OAS3: variants seen among roughly 807,000 people sequenced by gnomAD.
OAS3 encodes 2'-5'-oligoadenylate synthetase 3.
OAS3 carries 107 observed loss-of-function variants against 113.0 expected under a neutral mutation model. That is an observed-to-expected ratio of 0.95 (90% CI 0.81 to 1.11). The LOEUF (loss-of-function observed/expected upper bound fraction) is 1.11. OAS3 is among the 50% of genes most tolerant of loss of function. The pLI, the probability that OAS3 is intolerant of heterozygous loss-of-function variation, is 0.00. For missense variants in OAS3, 1,258 were observed against 1,389.1 expected, an observed-to-expected ratio of 0.91 and a Z score of 1.50; for synonymous variants, 552 against 573.6, an observed-to-expected ratio of 0.96 and a Z score of 0.54.
At chr12:112,956,068 C>A (rs553330670) in intron 7 of OAS3, among the ~76,000 whole-genome samples, 1 of 152,112 alleles carries the variant, frequency 6.6e-6, no homozygotes, top group Non-Finnish European at 1.5e-5. Flanking sequence ...GTCTTGGGAG[C>A]GTGTCTGTGT....
Position 112,971,067 on chromosome 12 carries a change from C to T in OAS3, c.*1094C>T, listed in dbSNP as rs985726391. ...CTGACCTCAAGTCCAACAACAGTGT[C>T]CACACTAGTCAAGGTTCAGCCCAGA... On this transcript the variant is annotated 3_prime_UTR_variant, in exon 16 of 16. Coordinates refer to ENST00000228928, the MANE Select transcript of OAS3 (RefSeq NM_006187.4). 6.6e-6 allele frequency: 1 copy of T among 152,348 alleles called. No individual in the cohort carries two copies. Among genetic ancestry groups the T allele is most frequent in the Non-Finnish European group, 1.5e-5 (1 of 68,188 alleles). The allele number at this position is 152,348 out of a possible 1,614,324, so 9.4% of individuals were successfully genotyped here.
intron 5 of OAS3, 83 bp downstream of exon 5, chr12:112,948,182 A>G: frequency 1.5e-6 from 2 of 1,349,892 alleles, no homozygotes; most frequent in Admixed American, 3.1e-5. Context: ...TATGTGCCAT[A>G]TGGTGTGGAA....
Position 112,962,692 on chromosome 12 carries a change from C to G in OAS3, c.1874C>G (p.Ser625Cys), listed in dbSNP as rs1460502779. 6.2e-7 allele frequency: 1 copy of G among 1,614,046 alleles called. No homozygotes were observed. The highest frequency in any genetic ancestry group is 1.1e-5 in the South Asian group (1 of 91,084). ...AAAGGAAAAGGACCAGCCCCTGCCTCTCTGCCCCCAGCCTATGCCCTGGAG... is the reference window on the plus strand; with the variant it reads ...AAAGGAAAAGGACCAGCCCCTGCCTGTCTGCCCCCAGCCTATGCCCTGGAG... ...QNKGKGPAPA[S>C]LPPAYALELL... Residue 625 changes from serine (S) to cysteine (C), a missense_variant, in exon 9 of 16, where the codon TCT becomes TGT. By Grantham distance (112) the Ser-to-Cys change is moderately radical. Coordinates refer to ENST00000228928, the MANE Select transcript of OAS3 (RefSeq NM_006187.4).
At position 112,963,318 on chromosome 12, in the gene OAS3, T is replaced by C; in HGVS notation, c.2090T>C (p.Leu697Pro). The C allele has an allele frequency of 6.4e-7, 1 of 1,573,974 alleles. No individual in the cohort carries two copies. The highest frequency in any genetic ancestry group is 8.6e-7 in the Non-Finnish European group (1 of 1,158,670). Residue 697 changes from leucine (L) to proline (P), a missense_variant, in exon 10 of 16, where the codon CTG (leucine) becomes CCG (proline). By Grantham distance (98) the Leu-to-Pro change is moderately conservative. Coordinates refer to ENST00000228928, the MANE Select transcript of OAS3 (RefSeq NM_006187.4). The surrounding 1 kb of genome is among the most constrained non-coding windows in gnomAD (Gnocchi z 4.6). ...LLGQLRKPRP[L>P]VLDPADPTWN... ...CCTTCCTGCTGTGCCCCCAGACCCC[T>C]GGTCCTGGACCCCGCTGATCCCACC...
At chr12:112,946,122 G>A (rs780620288) in intron 3 of OAS3, among the ~76,000 whole-genome samples, 12 of 152,134 alleles carry the variant, frequency 7.9e-5, no homozygotes, top group Non-Finnish European at 1.3e-4. Context: ...GGGGGTGAGC[G>A]GAGGGAGTGT....
At chr12:112,962,024 TG>T (rs1478893705) in intron 8 of OAS3, among the ~76,000 whole-genome samples, 1 of 152,220 alleles carries the variant, frequency 6.6e-6, no homozygotes, top group Non-Finnish European at 1.5e-5. Flanking sequence ...CTAGAACTTC[TG>T]GGCTCAAGTA....
At chr12:112,961,329 A>C in intron 8 of OAS3, 83 bp downstream of exon 8, 3 of 1,241,192 alleles carry the variant, frequency 2.4e-6, no homozygotes, top group Non-Finnish European at 3.4e-6. Flanking sequence ...CTACACCCAC[A>C]TCTCCCCTCC....
At position 112,967,490 on chromosome 12, in the gene OAS3, G is replaced by A. The variant is rs372489120; in HGVS notation, c.2762G>A (p.Gly921Asp). 33 of 1,613,584 alleles carry A rather than the reference G, an allele frequency of 2.0e-5. No homozygotes were observed. The Admixed American group carries it at 2.5e-4, about 12-fold the overall frequency. Residue 921 changes from glycine to aspartate, a missense_variant, in exon 13 of 16, where the codon GGC becomes GAC. Coordinates refer to ENST00000228928, the MANE Select transcript of OAS3 (RefSeq NM_006187.4). ...VDLIHSYSNA[G>D]EYSTCFTELQ... Reference sequence around the variant, plus strand: ...CTCATCCACAGCTACAGCAATGCGGGCGAGTACTCCACCTGCTTCACAGAG... The same window carrying A: ...CTCATCCACAGCTACAGCAATGCGGACGAGTACTCCACCTGCTTCACAGAG...
chr12:112,951,330 T>A (rs965041762), intron 7 of OAS3, among the ~76,000 whole-genome samples: 5 of 152,194 alleles, frequency 3.3e-5, no homozygotes, highest in Admixed American at 6.5e-5. Context: ...GGGTTTACTT[T>A]ATGGTTCATT....
chr12:112,938,807 G>C, intron 1 of OAS3, 100 bp downstream of exon 1: 2 of 928,662 alleles, frequency 2.2e-6, no homozygotes, highest in Admixed American at 6.8e-5. Context: ...TTATCCGCTT[G>C]TGCACCTCAT....
chr12:112,960,856 G>A (rs921546501), intron 7 of OAS3, among the ~76,000 whole-genome samples: 8 of 152,110 alleles, frequency 5.3e-5, no homozygotes, highest in African/African-American at 1.9e-4. Context: ...GCAGTTACTG[G>A]ATGGATTAGC....
chr12:112,969,497 G>A, intron 14 of OAS3, 111 bp from the exon 15 acceptor site: 1 of 1,298,122 alleles, frequency 7.7e-7, no homozygotes, highest in Non-Finnish European at 1.1e-6. Flanking sequence ...CTGAGCCCTG[G>A]CTCTAGCCCC....
chr12:112,943,738 G>A (rs1003213788), intron 2 of OAS3, among the ~76,000 whole-genome samples: 2 of 152,106 alleles, frequency 1.3e-5, no homozygotes. Flanking sequence ...TTCTAAGACA[G>A]AGTTTCGCTC....
intron 7 of OAS3, among the ~76,000 whole-genome samples, chr12:112,958,706 G>T (rs1001667636): frequency 2.0e-5 from 3 of 152,246 alleles, no homozygotes; most frequent in African/African-American, 7.2e-5. Flanking sequence ...TCCTTTGGAA[G>T]CTTCGTCTCA....
chr12:112,949,231 G>T (rs1407723545), intron 6 of OAS3, 26 bp downstream of exon 6: 7 of 1,589,032 alleles, frequency 4.4e-6, no homozygotes, highest in Non-Finnish European at 6.0e-6. Flanking sequence ...GGAGACACAG[G>T]GGGGACCCTA....
Position 112,966,030 on chromosome 12 carries a change from G to T in OAS3, c.2689+1G>T. On this transcript the variant is annotated splice_donor_variant, in intron 12 of 15. Coordinates refer to ENST00000228928, the MANE Select transcript of OAS3 (RefSeq NM_006187.4). LOFTEE classifies it high-confidence loss of function. ...GTGCTGCCAGCCTTTGACGCCCTAG[G>T]TGAGGTGCCCTGGCGTAGACCTGAG... 1 of 1,613,864 alleles carries T rather than the reference G, an allele frequency of 6.2e-7. No individual in the cohort carries two copies. The highest frequency in any genetic ancestry group is 8.5e-7 in the Non-Finnish European group (1 of 1,179,746).
At position 112,948,894 on chromosome 12, in the gene OAS3, C is replaced by T. The variant is rs757734163; in HGVS notation, c.1063C>T (p.His355Tyr). ...ACGTGCTGGATGCTCAGGTTTGGGC[C>T]ACCCCATCCAGCTAGACCCTAACCA... ...LPRAGCSGLGHPIQLDPNQKT... is the reference protein window; with the variant it reads ...LPRAGCSGLGYPIQLDPNQKT... The change falls in exon 6 of 16, where the codon CAC becomes TAC. Residue 355 changes from histidine to tyrosine, a missense_variant. Coordinates refer to ENST00000228928, the MANE Select transcript of OAS3 (RefSeq NM_006187.4). 1.3e-6 allele frequency: 2 copies of T among 1,596,198 alleles called. No homozygotes were observed. Among genetic ancestry groups the T allele is most frequent in the South Asian group, 1.1e-5 (1 of 88,352 alleles).
chr12:112,963,997 G>A lies in OAS3; in HGVS notation c.2230-238G>A, dbSNP rs777020150. 3.3e-5 allele frequency among the ~76,000 whole-genome samples: 5 copies of A among 152,254 alleles called. No individual in the cohort carries two copies. The highest frequency in any genetic ancestry group is 6.8e-3 in the Middle Eastern group (2 of 292). On this transcript the variant is annotated intron_variant, in intron 10 of 15. Transcript: ENST00000228928. This position sits in a 1 kb window ranked among gnomAD's most constrained non-coding sequence, Gnocchi z 4.6. ...TACTCAGGACAATCCATTGAGACCCGGACTTCATTATTGCACTCATTTAAA... is the reference window on the plus strand; with the variant it reads ...TACTCAGGACAATCCATTGAGACCCAGACTTCATTATTGCACTCATTTAAA...
intron 2 of OAS3, among the ~76,000 whole-genome samples, chr12:112,943,276 A>G (rs1447029066): frequency 6.6e-6 from 1 of 152,174 alleles, no homozygotes; most frequent in East Asian, 1.9e-4. Flanking sequence ...TACTTATTAA[A>G]TGCTTAACTA....
Sources: gnomAD v4.1 joint callset for allele counts (sites outside exome capture counted in the v4.1 genomes callset) on GRCh38, gnomAD v4.1.1 for gene constraint, Gnocchi (gnomAD v3.1) non-coding constraint, MANE v1.5 for transcripts, NCBI Gene and HGNC (gene_info 2026-07-23, HGNC 2026-07-21) for gene names.